Variants in DLG2 observed in about 807,000 individuals in gnomAD.
The protein encoded by DLG2 is discs large MAGUK scaffold protein 2.
In DLG2, 45 loss-of-function variants were observed where a neutral mutation model predicts 132.5. The ratio of observed to expected loss-of-function variants is 0.34; its 90% CI spans 0.27 to 0.44. The LOEUF (loss-of-function observed/expected upper bound fraction) is 0.44. Among genes scored for constraint, DLG2 ranks in the 20% least tolerant of loss-of-function variants. The pLI, the probability that DLG2 is intolerant of heterozygous loss-of-function variation, is 1.00. For missense variants in DLG2, 1,045 were observed against 1,196.9 expected (o/e 0.87, Z 1.87); for synonymous variants, 424 against 419.6 (o/e 1.01, Z -0.13).
chr11:83,745,176 G>GT, intron 18 of DLG2, among the ~76,000 whole-genome samples: 1 of 152,226 alleles, frequency 6.6e-6, no homozygotes, highest in Non-Finnish European at 1.5e-5. Flanking sequence ...TATATTCTCA[G>GT]TGTTTGTGAT....
At chr11:83,841,396 C>T (rs186679524) in intron 16 of DLG2, among the ~76,000 whole-genome samples, 4 of 152,292 alleles carry the variant, frequency 2.6e-5, no homozygotes, top group Non-Finnish European at 4.4e-5. Context: ...AAAATTCTAT[C>T]TCTCATTTCT....
intron 15 of DLG2, among the ~76,000 whole-genome samples, chr11:83,893,267 A>T (rs770959992): frequency 6.6e-6 from 1 of 152,212 alleles, no homozygotes; most frequent in Non-Finnish European, 1.5e-5. Flanking sequence ...TCAGGTCATA[A>T]GTTGCCCAAC....
intron 11 of DLG2, among the ~76,000 whole-genome samples, chr11:84,005,345 A>G (rs1385352893): frequency 2.0e-5 from 3 of 151,996 alleles, no homozygotes; most frequent in African/African-American, 7.2e-5. Context: ...ACAAAAATCA[A>G]CTCAAGACAG....
intron 19 of DLG2, among the ~76,000 whole-genome samples, chr11:83,544,236 C>G (rs916507502): frequency 4.5e-4 from 68 of 152,266 alleles, no homozygotes; most frequent in East Asian, 3.9e-4. Context: ...AGTTTCATAT[C>G]TTTTTGTGGT....
intron 3 of DLG2, among the ~76,000 whole-genome samples, chr11:85,390,246 A>G (rs1456525099): frequency 1.3e-5 from 2 of 151,360 alleles, no homozygotes; most frequent in Non-Finnish European, 1.5e-5. Context: ...ACAGCAGTTG[A>G]AAAAAAAAGG....
chr11:85,622,487 C>T (rs908904427), intron 2 of DLG2, among the ~76,000 whole-genome samples: 6 of 151,504 alleles, frequency 4.0e-5, no homozygotes, highest in East Asian at 1.9e-4. Flanking sequence ...AGAGTATACC[C>T]GATAACAAAA....
chr11:84,734,789 C>G (rs947624693), intron 6 of DLG2, among the ~76,000 whole-genome samples: 3 of 152,086 alleles, frequency 2.0e-5, no homozygotes, highest in Admixed American at 2.0e-4. Flanking sequence ...ATAAATAGCT[C>G]TTATTATTTT....
At chr11:84,015,031 C>T (rs970997333) in intron 11 of DLG2, among the ~76,000 whole-genome samples, 3 of 152,120 alleles carry the variant, frequency 2.0e-5, no homozygotes, top group Admixed American at 1.3e-4. Flanking sequence ...GAAACCACCT[C>T]ACATTGATTT....
chr11:84,073,257 A>G (rs1188140998), intron 10 of DLG2, among the ~76,000 whole-genome samples: 1 of 151,982 alleles, frequency 6.6e-6, no homozygotes, highest in Non-Finnish European at 1.5e-5. Context: ...TTCTCATCTC[A>G]TCTCTTTCCT....
chr11:85,577,692 A>T (rs2078240378), intron 3 of DLG2, among the ~76,000 whole-genome samples: 1 of 152,122 alleles, frequency 6.6e-6, no homozygotes, highest in Non-Finnish European at 1.5e-5. Context: ...CTACCTAAGT[A>T]CAGAGTATAA....
At chr11:84,759,022 C>A (rs2067254717) in intron 6 of DLG2, among the ~76,000 whole-genome samples, 1 of 152,036 alleles carries the variant, frequency 6.6e-6, no homozygotes, top group South Asian at 2.1e-4. Context: ...GAACTACAGG[C>A]ACGCACCACC....
chr11:84,757,255 A>G (rs990627445), intron 6 of DLG2, among the ~76,000 whole-genome samples: 5 of 152,048 alleles, frequency 3.3e-5, no homozygotes, highest in Non-Finnish European at 7.4e-5. Context: ...GCATTTAGAG[A>G]CTTTTATAAC....
intron 3 of DLG2, among the ~76,000 whole-genome samples, chr11:85,473,928 T>C (rs956387744): frequency 1.3e-5 from 2 of 151,842 alleles, no homozygotes; most frequent in Non-Finnish European, 2.9e-5. Context: ...AAAATACATA[T>C]AGTAAATAAA....
At chr11:85,068,585 A>C (rs2065290394) in intron 6 of DLG2, among the ~76,000 whole-genome samples, 2 of 152,086 alleles carry the variant, frequency 1.3e-5, no homozygotes, top group Non-Finnish European at 2.9e-5. Context: ...CTAGGAATCC[A>C]ACTTACAAGG....
intron 6 of DLG2, among the ~76,000 whole-genome samples, chr11:85,003,019 A>T (rs2058348310): frequency 1.3e-5 from 2 of 152,098 alleles, no homozygotes. Flanking sequence ...TATATTATTG[A>T]GAAGGCTTCC....
At chr11:85,510,860 T>A (rs2094048748) in intron 3 of DLG2, among the ~76,000 whole-genome samples, 1 of 152,192 alleles carries the variant, frequency 6.6e-6, no homozygotes, top group African/African-American at 2.4e-5. Flanking sequence ...GACCCAGCCA[T>A]CCCATTACTG....
At chr11:84,923,148 A>G (rs139872001) in intron 6 of DLG2, 1 of 1,613,494 alleles carries the variant, frequency 6.2e-7, no homozygotes, top group East Asian at 2.2e-5. Flanking sequence ...ATGGACCGGT[A>G]TTCAGCTTCT....
At chr11:85,470,381 T>A (rs1306778215) in intron 3 of DLG2, among the ~76,000 whole-genome samples, 1 of 151,822 alleles carries the variant, frequency 6.6e-6, no homozygotes, top group Non-Finnish European at 1.5e-5. Flanking sequence ...ACAGTTGGGG[T>A]AGGGGTGAGA....
At chr11:85,031,816 G>C (rs906711282) in intron 6 of DLG2, among the ~76,000 whole-genome samples, 2 of 152,032 alleles carry the variant, frequency 1.3e-5, no homozygotes, top group African/African-American at 4.8e-5. Flanking sequence ...ATGGAGACTT[G>C]CTTTGTCACC....
Sources: allele counts gnomAD v4.1 joint callset (sites outside exome capture counted in the v4.1 genomes callset), GRCh38; gene constraint gnomAD v4.1.1; transcripts MANE v1.5; gene names NCBI Gene and HGNC (gene_info 2026-07-23, HGNC 2026-07-21).